LINGO2: variants seen among roughly 807,000 people sequenced by gnomAD.
LINGO2 encodes leucine rich repeat and Ig domain containing 2.
In LINGO2, 14 loss-of-function variants were observed where a neutral mutation model predicts 30.6. That is an observed-to-expected ratio of 0.46 (90% CI 0.30 to 0.72). The LOEUF (loss-of-function observed/expected upper bound fraction) is 0.72, where lower values mean the gene tolerates loss of function less well. LINGO2 is among the 30% of genes least tolerant of loss of function. LINGO2 has a pLI of 0.07. For missense variants in LINGO2, 729 were observed against 751.7 expected (o/e 0.97, Z 0.35); for synonymous variants, 317 against 288.5 (o/e 1.10, Z -1.00).
At position 28,179,078 on chromosome 9, in the gene LINGO2, T is replaced by TA. The variant is rs534057231; in HGVS notation, c.-87+116129dup. Among the ~76,000 whole-genome samples the TA allele has an allele frequency of 2.4e-4, 36 of 152,014 alleles. No homozygotes were observed. In the South Asian group the frequency reaches 7.5e-3, roughly 32 times the overall value. ...TTGAACCGCAGCATGGAGCAAGTGT[T>TA]AAACTTTTTTTAATACATGGAATTG... On this transcript the variant is annotated intron_variant, in intron 4 of 5. Coordinates refer to ENST00000379992, the Ensembl canonical transcript of LINGO2.
At position 28,388,950 on chromosome 9, in the gene LINGO2, C is replaced by G. The variant is rs918594220; in HGVS notation, c.-278-16082G>C. On this transcript the variant is annotated intron_variant, in intron 2 of 5. Transcript: ENST00000379992. ...TCCCAAGTAGAATGAATTCAGGATGCAAACCATAAATGAGAACCTACTTGT... is the reference window on the plus strand; with the variant it reads ...TCCCAAGTAGAATGAATTCAGGATGGAAACCATAAATGAGAACCTACTTGT... 6.6e-5 allele frequency among the ~76,000 whole-genome samples: 10 copies of G among 152,124 alleles called. No homozygotes were observed. The East Asian group carries it at 1.9e-3, about 29-fold the overall frequency.
chr9:28,570,174 A>C (rs1196871277), intron 1 of LINGO2, among the ~76,000 whole-genome samples: 2 of 151,960 alleles, frequency 1.3e-5, no homozygotes, highest in Non-Finnish European at 2.9e-5. Flanking sequence ...CATATAGTAC[A>C]ACATAATGAT....
In LINGO2 at chr9:28,608,594, C is replaced by T. The variant is rs111627630; in HGVS notation, c.-365+61606G>A. Among the ~76,000 whole-genome samples the T allele has an allele frequency of 7.9e-5, 12 of 151,446 alleles. 1 individual carries two copies. The highest frequency in any genetic ancestry group is 2.7e-4 in the African/African-American group (11 of 41,378). On this transcript the variant is annotated intron_variant, in intron 1 of 5. Transcript: ENST00000379992. ...TGAAGTTTAATAGCTGTTTTTGGTCCGCGCAAATTTTCAATATCTTGGTGA... is the reference window on the plus strand; with the variant it reads ...TGAAGTTTAATAGCTGTTTTTGGTCTGCGCAAATTTTCAATATCTTGGTGA...
At chr9:28,908,873 CTATAA>C in the LINGO2 span, among the ~76,000 whole-genome samples, 3 of 151,754 alleles carry the variant, frequency 2.0e-5, no homozygotes, top group African/African-American at 2.4e-5. Context: ...TGATTATTTC[CTATAA>C]TATATCATGA....
At chr9:28,033,383 C>T (rs67659836) in intron 4 of LINGO2, among the ~76,000 whole-genome samples, 18,777 of 152,090 alleles carry the variant, frequency 0.12, 1,286 homozygotes, top group South Asian at 0.27. Flanking sequence ...AGGGGGATCT[C>T]TTATTAGCAG....
intron 2 of LINGO2, among the ~76,000 whole-genome samples, chr9:28,444,733 C>A (rs997567391): frequency 2.6e-5 from 4 of 152,204 alleles, no homozygotes; most frequent in Admixed American, 6.5e-5. Context: ...GGAGCCAGCA[C>A]CTGTGCCGGT....
intron 5 of LINGO2, among the ~76,000 whole-genome samples, chr9:27,975,273 T>G (rs1266888404): frequency 2.0e-5 from 3 of 152,110 alleles, no homozygotes; most frequent in Non-Finnish European, 1.5e-5. Context: ...GTCTTAGTAA[T>G]GCACTATTTA....
At chr9:28,217,340 G>T (rs62560780) in intron 4 of LINGO2, among the ~76,000 whole-genome samples, 23,400 of 151,438 alleles carry the variant, frequency 0.15, 1,966 homozygotes, top group South Asian at 0.28. Context: ...GTGCCTATTG[G>T]GGTTAATACA....
At chr9:28,638,497 G>T (rs952835913) in intron 1 of LINGO2, among the ~76,000 whole-genome samples, 20 of 152,028 alleles carry the variant, frequency 1.3e-4, no homozygotes, top group African/African-American at 4.8e-4. Context: ...CAATTTCAGA[G>T]CCTGTTATTG....
At chr9:29,163,415 A>C in the LINGO2 span, among the ~76,000 whole-genome samples, 3 of 152,300 alleles carry the variant, frequency 2.0e-5, no homozygotes, top group Non-Finnish European at 4.4e-5. Flanking sequence ...CTATGTGTAC[A>C]TGCAGTTGTT....
chr9:28,200,745 A>C (rs1034342811), intron 4 of LINGO2, among the ~76,000 whole-genome samples: 8 of 152,192 alleles, frequency 5.3e-5, no homozygotes, highest in Non-Finnish European at 1.2e-4. Flanking sequence ...CCAGTCATCT[A>C]TGTCTTACCA....
chr9:29,006,486 G>C, the LINGO2 span, among the ~76,000 whole-genome samples: 1 of 151,980 alleles, frequency 6.6e-6, no homozygotes, highest in African/African-American at 2.4e-5. Context: ...TTTGAGAACT[G>C]ATCTGGTACC....
chr9:28,648,517 A>G (rs1376606378), intron 1 of LINGO2, among the ~76,000 whole-genome samples: 1 of 152,168 alleles, frequency 6.6e-6, no homozygotes, highest in Non-Finnish European at 1.5e-5. Context: ...ATTAAGTCTA[A>G]TAATCACTTA....
intron 1 of LINGO2, among the ~76,000 whole-genome samples, chr9:28,605,939 A>G (rs1246998013): frequency 6.6e-6 from 1 of 152,074 alleles, no homozygotes; most frequent in African/African-American, 2.4e-5. Context: ...GCCATTTCTC[A>G]GGTAGCTTAT....
chr9:29,034,483 A>G, the LINGO2 span, among the ~76,000 whole-genome samples: 5 of 152,292 alleles, frequency 3.3e-5, no homozygotes, highest in Non-Finnish European at 2.9e-5. Context: ...AGCACAGCTT[A>G]AAGATAGGAA....
At chr9:28,847,752 T>A in the LINGO2 span, among the ~76,000 whole-genome samples, 1 of 89,526 alleles carries the variant, frequency 1.1e-5, no homozygotes, top group African/African-American at 4.1e-5. Flanking sequence ...ATATGTTATA[T>A]ATATACACAC....
At chr9:28,914,062 C>A in the LINGO2 span, among the ~76,000 whole-genome samples, 20 of 152,190 alleles carry the variant, frequency 1.3e-4, no homozygotes, top group African/African-American at 4.6e-4. Context: ...CAAGAGAAAA[C>A]AGACTTTCCT....
chr9:28,425,097 T>A (rs1823349835), intron 2 of LINGO2, among the ~76,000 whole-genome samples: 1 of 151,752 alleles, frequency 6.6e-6, no homozygotes. Context: ...TTTTGATTAA[T>A]ACATAATTAA....
the LINGO2 span, among the ~76,000 whole-genome samples, chr9:28,859,035 T>C: frequency 2.6e-5 from 4 of 152,130 alleles, no homozygotes; most frequent in Admixed American, 2.0e-4. Flanking sequence ...ATCTGTAAAA[T>C]GGAGCAATAA....
Sources: allele counts gnomAD v4.1 joint callset (sites outside exome capture counted in the v4.1 genomes callset), GRCh38; gene constraint gnomAD v4.1.1; transcripts MANE v1.5; gene names NCBI Gene and HGNC (gene_info 2026-07-23, HGNC 2026-07-21).